The following CR2 variants were observed in gnomAD, a reference collection of about 807,000 sequenced individuals.
The protein encoded by CR2 is complement receptor type 2.
A neutral mutation model predicts 123.0 loss-of-function variants in CR2; 96 were observed. The ratio of observed to expected loss-of-function variants is 0.78; its 90% CI spans 0.66 to 0.93. The LOEUF is 0.93. CR2 is among the 40% of genes least tolerant of loss of function. CR2 has a pLI of 0.00. For missense variants in CR2, 1,258 were observed against 1,361.0 expected, an observed-to-expected ratio of 0.92 and a Z score of 1.19; for synonymous variants, 484 against 469.5, an observed-to-expected ratio of 1.03 and a Z score of -0.40.
intron 18 of CR2, among the ~76,000 whole-genome samples, chr1:207,483,852 A>G (rs777270034): frequency 3.9e-5 from 6 of 152,150 alleles, no homozygotes; most frequent in Non-Finnish European, 5.9e-5. Context: ...TTAAATCACA[A>G]TGAAAGCTGT....
At position 207,473,093 on chromosome 1, in the gene CR2, A is replaced by G. The variant is rs1658332102; in HGVS notation, c.1892A>G (p.Tyr631Cys). 2 of 1,614,028 alleles carry G rather than the reference A, an allele frequency of 1.2e-6. No homozygotes were observed. Among genetic ancestry groups the G allele is most frequent in the Non-Finnish European group, 1.7e-6 (2 of 1,179,918 alleles). Residue 631 changes from tyrosine to cysteine, a missense_variant, in exon 10 of 20, where the codon TAT becomes TGT. Physicochemically the swap from Tyr to Cys is radical, Grantham distance 194. Transcript: ENST00000367057. ...FYNDTVTFKC[Y>C]SGFTLKGSSQ... ...AATGACACTGTGACATTCAAGTGTT[A>G]TAGTGGATTTACTTTGAAGGGCAGT...
In CR2 at chr1:207,454,756, G is replaced by A; in HGVS notation, c.58+280G>A. The A allele has an allele frequency of 2.5e-6, 1 of 405,802 alleles. No homozygotes were observed. 25.1% of individuals were successfully genotyped at this position (405,802 alleles called of 1,614,324 possible). Reference sequence around the variant, plus strand: ...GGCTGGCGGCGTGCGGGTGCTCGCGGTCTCCTGCCGGGCTCCCCGCCCCCA... The same window carrying A: ...GGCTGGCGGCGTGCGGGTGCTCGCGATCTCCTGCCGGGCTCCCCGCCCCCA... On this transcript the variant is annotated intron_variant, in intron 1 of 19. Coordinates refer to ENST00000367057, the MANE Select transcript of CR2 (RefSeq NM_001006658.3). This position sits in a 1 kb window ranked among gnomAD's most constrained non-coding sequence, Gnocchi z 4.3.
intron 1 of CR2, among the ~76,000 whole-genome samples, chr1:207,457,954 G>A (rs547330762): frequency 3.2e-4 from 48 of 151,790 alleles, no homozygotes; most frequent in Admixed American, 5.3e-4. Context: ...TCTCTCCTGA[G>A]CTGCAAACTG....
intron 1 of CR2, among the ~76,000 whole-genome samples, chr1:207,461,446 C>CG (rs1657963950): frequency 6.6e-6 from 1 of 152,130 alleles, no homozygotes; most frequent in Non-Finnish European, 1.5e-5. Context: ...TATATTCACC[C>CG]TTACTGCAAT....
Position 207,468,867 on chromosome 1 carries a change from T to C in CR2, c.702T>C (p.Val234=). The change falls in exon 4 of 20, where the codon GTT becomes GTC. Residue 234 remains valine, a synonymous_variant. Coordinates refer to ENST00000367057, the MANE Select transcript of CR2 (RefSeq NM_001006658.3). ...TAAAGGAGCCTCCAATTCTCCGGGT[T>C]GGTGTAACTGCAAACTTTTTCTGTG... ...GKVKEPPILR[V]GVTANFFCDE... 1 of 1,614,042 alleles carries C rather than the reference T, an allele frequency of 6.2e-7. No homozygotes were observed. The highest frequency in any genetic ancestry group is 8.5e-7 in the Non-Finnish European group (1 of 1,179,940).
At chr1:207,472,398 G>C (rs2940253) in intron 9 of CR2, among the ~76,000 whole-genome samples, 45,925 of 152,066 alleles carry the variant, frequency 0.3, 7,272 homozygotes, top group African/African-American at 0.38. Flanking sequence ...TTCTCAGCTA[G>C]CCATATAAAC....
intron 19 of CR2, among the ~76,000 whole-genome samples, chr1:207,486,400 T>TG (rs1343477238): frequency 6.6e-6 from 1 of 151,728 alleles, no homozygotes; most frequent in Non-Finnish European, 1.5e-5. Flanking sequence ...GTCACAGAGA[T>TG]GGGGGTGGGA....
chr1:207,475,264 G>A lies in CR2; in HGVS notation c.2716+48G>A, dbSNP rs750793236. 5.0e-6 allele frequency: 8 copies of A among 1,599,380 alleles called. No homozygotes were observed. In the African/African-American group the frequency reaches 6.7e-5, roughly 13 times the overall value. On this transcript the variant is annotated intron_variant, in intron 14 of 19. Coordinates refer to ENST00000367057, the MANE Select transcript of CR2 (RefSeq NM_001006658.3). ...GTTATGGGATGTTGTACAGAATAAAGAAAAGAGGTTTTGAATCTGCACTTG... is the reference window on the plus strand; with the variant it reads ...GTTATGGGATGTTGTACAGAATAAAAAAAAGAGGTTTTGAATCTGCACTTG...
rs772452706 is a variant in CR2, at chr1:207,473,562, G to A, written c.1996G>A (p.Gly666Arg). ...CTCTTCAGGCTGCCAGTCACCTCCT[G>A]GGCTCCACCATGGTCGTCATACAGG... is the stretch of plus-strand genomic sequence containing the variant. ...VCEKGCQSPP[G>R]LHHGRHTGGN... Residue 666 changes from glycine to arginine, a missense_variant, in exon 11 of 20, where the codon GGG becomes AGG. Transcript: ENST00000367057. The A allele has an allele frequency of 1.1e-5, 18 of 1,613,622 alleles. No individual in the cohort carries two copies. Among genetic ancestry groups the A allele is most frequent in the Non-Finnish European group, 1.4e-5 (17 of 1,179,770 alleles).
rs1658215397 is a variant in CR2 at position 207,469,892 on chromosome 1, G to GC, written c.1019dup (p.Arg341ThrfsTer3). On this transcript the variant is annotated frameshift_variant, in exon 6 of 20. Coordinates refer to ENST00000367057, the MANE Select transcript of CR2 (RefSeq NM_001006658.3). LOFTEE classifies it high-confidence loss of function. ...GAAGACTGGGACCTGGAGTGGCCCT[G>GC]CCCCACGCTGTGAACTTTCTACTTC... is the stretch of plus-strand genomic sequence containing the variant. 1 of 1,613,844 alleles carries GC rather than the reference G, an allele frequency of 6.2e-7. No individual in the cohort carries two copies.
intron 18 of CR2, among the ~76,000 whole-genome samples, chr1:207,483,406 G>C (rs955180947): frequency 2.0e-5 from 3 of 152,154 alleles, no homozygotes; most frequent in Non-Finnish European, 4.4e-5. Context: ...GGTGAGGGCT[G>C]CCTATGGGGT....
Position 207,476,342 on chromosome 1 carries a change from G to A in CR2, c.2825G>A (p.Gly942Asp). ...GMSILYSCDQGYLLVGEALLL... is the reference protein window; with the variant it reads ...GMSILYSCDQDYLLVGEALLL... ...TCAATCCTGTACAGCTGTGACCAAG[G>A]CTACCTGCTGGTGGGAGAGGCACTC... The change falls in exon 15 of 20, where the codon GGC (glycine) becomes GAC (aspartate). Residue 942 changes from glycine (G) to aspartate (D), a missense_variant. Physicochemically the swap from Gly to Asp is moderately conservative, Grantham distance 94 (BLOSUM62 -1). Coordinates refer to ENST00000367057, the MANE Select transcript of CR2 (RefSeq NM_001006658.3). 6.2e-7 allele frequency: 1 copy of A among 1,614,004 alleles called. No individual in the cohort carries two copies. The highest frequency in any genetic ancestry group is 8.5e-7 in the Non-Finnish European group (1 of 1,179,910).
At position 207,472,978 on chromosome 1, in the gene CR2, T is replaced by C; in HGVS notation, c.1777T>C (p.Cys593Arg). ...RGTWSGPAPL[C>R]KLSLLAVQCS... is the part of the protein sequence containing the mutation. ...CACCTGGAGTGGCCCTGCTCCCCTG[T>C]GTAAACTTTCCCTCCTTGCTGTCCA... The change falls in exon 10 of 20, where the codon TGT (cysteine) becomes CGT (arginine). Residue 593 changes from cysteine to arginine, a missense_variant. Transcript: ENST00000367057. 2.5e-6 allele frequency: 4 copies of C among 1,614,028 alleles called. No individual in the cohort carries two copies. The highest frequency in any genetic ancestry group is 3.4e-6 in the Non-Finnish European group (4 of 1,179,956).
intron 2 of CR2, among the ~76,000 whole-genome samples, chr1:207,467,713 C>T (rs1314062666): frequency 6.6e-6 from 1 of 152,088 alleles, no homozygotes; most frequent in African/African-American, 2.4e-5. Flanking sequence ...GGAAGGAGAT[C>T]TTAACGATAG....
In CR2 at chr1:207,470,792, G is replaced by C; in HGVS notation, c.1278G>C (p.Met426Ile). Residue 426 changes from methionine (M) to isoleucine (I), a missense_variant, in exon 7 of 20, where the codon ATG (methionine) becomes ATC (isoleucine). By Grantham distance (10) the Met-to-Ile change is conservative. Transcript: ENST00000367057. ...ATGGGCAAAAGGAAGATAGACACAT[G>C]GTCCGCTTTGACCCTGGAACATCTA... The part of the protein sequence containing the change: ...ILNGQKEDRH[M>I]VRFDPGTSIK... 1 of 1,613,822 alleles carries C rather than the reference G, an allele frequency of 6.2e-7. No individual in the cohort carries two copies. The highest frequency in any genetic ancestry group is 8.5e-7 in the Non-Finnish European group (1 of 1,179,866).
intron 1 of CR2, among the ~76,000 whole-genome samples, chr1:207,466,055 T>A (rs996105383): frequency 6.6e-6 from 1 of 152,338 alleles, no homozygotes; most frequent in African/African-American, 2.4e-5. Flanking sequence ...TATGAAGTAG[T>A]TTGCGTTATA....
chr1:207,456,796 C>A (rs892578519), intron 1 of CR2, among the ~76,000 whole-genome samples: 1 of 152,194 alleles, frequency 6.6e-6, no homozygotes, highest in African/African-American at 2.4e-5. Context: ...AAAACCCATA[C>A]CCCTTATTCT....
intron 1 of CR2, among the ~76,000 whole-genome samples, chr1:207,456,918 T>G (rs1657847860): frequency 6.6e-6 from 1 of 152,200 alleles, no homozygotes; most frequent in Non-Finnish European, 1.5e-5. Context: ...CACTAGGTAT[T>G]CTCTCTTTTG....
chr1:207,468,019 T>A (rs537608797), intron 2 of CR2, among the ~76,000 whole-genome samples: 1 of 152,260 alleles, frequency 6.6e-6, no homozygotes, highest in East Asian at 1.9e-4. Context: ...GAAAATTGAC[T>A]TTTTTTGGTA....
Sources: allele counts gnomAD v4.1 joint callset (sites outside exome capture counted in the v4.1 genomes callset), GRCh38; gene constraint gnomAD v4.1.1; non-coding constraint Gnocchi (gnomAD v3.1); transcripts MANE v1.5; gene names NCBI Gene and HGNC (gene_info 2026-07-23, HGNC 2026-07-21).